Variants in CXADR observed in about 807,000 individuals in gnomAD.
The protein encoded by CXADR is coxsackievirus and adenovirus receptor.
Under a neutral mutation model 40.3 loss-of-function variants are expected in CXADR, and 20 were observed. The ratio of observed to expected loss-of-function variants is 0.50; its 90% CI spans 0.35 to 0.72. The LOEUF (loss-of-function observed/expected upper bound fraction) is 0.72. CXADR is among the 30% of genes least tolerant of loss of function. The probability of loss-of-function intolerance (pLI) is 0.01; values close to 1 mark genes in which losing one functional copy is unlikely to be tolerated. For missense variants in CXADR, 332 were observed against 449.1 expected, an observed-to-expected ratio of 0.74 and a Z score of 2.36; for synonymous variants, 150 against 161.3, an observed-to-expected ratio of 0.93 and a Z score of 0.53.
intron 1 of CXADR, among the ~76,000 whole-genome samples, chr21:17,540,080 C>T (rs1281976904): frequency 6.6e-6 from 1 of 152,202 alleles, no homozygotes; most frequent in Non-Finnish European, 1.5e-5. Flanking sequence ...TGAGGGCCCT[C>T]TTCCTGGCTG....
chr21:17,603,613 A>G, the CXADR span, among the ~76,000 whole-genome samples: 2 of 151,400 alleles, frequency 1.3e-5, no homozygotes, highest in African/African-American at 4.9e-5. Flanking sequence ...CAATCAATAA[A>G]GAGGCCAGGT....
intron 1 of CXADR, among the ~76,000 whole-genome samples, chr21:17,538,521 A>G (rs1228797711): frequency 6.6e-6 from 1 of 152,124 alleles, no homozygotes; most frequent in Non-Finnish European, 1.5e-5. Context: ...AAAAGGAGTT[A>G]TAGGCTGGAT....
chr21:17,543,084 AC>A, intron 1 of CXADR: 1 of 345,930 alleles, frequency 2.9e-6, no homozygotes, highest in Non-Finnish European at 5.7e-6. Flanking sequence ...AAAACAAAAA[AC>A]AAAAAAATCT....
the CXADR span, among the ~76,000 whole-genome samples, chr21:17,630,650 C>CTT: frequency 0.38 from 44,520 of 117,050 alleles, 7,987 homozygotes; most frequent in South Asian, 0.4. Context: ...CTTCCTTCTT[C>CTT]TTTTTTTTTT....
chr21:17,621,630 T>C, the CXADR span, among the ~76,000 whole-genome samples: 2 of 152,258 alleles, frequency 1.3e-5, no homozygotes, highest in Admixed American at 6.5e-5. Context: ...CAGGATTAGG[T>C]GCCTTTATAA....
intron 1 of CXADR, chr21:17,519,054 T>C (rs1374950827): frequency 8.6e-7 from 1 of 1,169,026 alleles, no homozygotes; most frequent in East Asian, 2.4e-5. Context: ...AAGAGCAAGA[T>C]GGCTGCCCGA....
downstream of CXADR, among the ~76,000 whole-genome samples, chr21:17,595,137 T>G (rs796928054): frequency 5.3e-5 from 8 of 152,192 alleles, no homozygotes; most frequent in African/African-American, 1.9e-4. Context: ...CAGTTTAGTA[T>G]TTGGGAATAA....
At chr21:17,587,115 C>T (rs2061402814) in intron 7 of CXADR, among the ~76,000 whole-genome samples, 1 of 152,220 alleles carries the variant, frequency 6.6e-6, no homozygotes, top group African/African-American at 2.4e-5. Context: ...ATATGTGCCA[C>T]ATTTTCTTAA....
At chr21:17,609,216 G>A in the CXADR span, 1 of 1,481,640 alleles carries the variant, frequency 6.7e-7, no homozygotes, top group African/African-American at 1.4e-5. Flanking sequence ...ATGAAGCTCT[G>A]TAAGATATAC....
intron 1 of CXADR, among the ~76,000 whole-genome samples, chr21:17,525,231 T>C (rs1325647423): frequency 6.6e-6 from 1 of 152,260 alleles, no homozygotes; most frequent in African/African-American, 2.4e-5. Context: ...CTTTCAAAGA[T>C]ATTTCTTACA....
At chr21:17,554,270 A>ATGAGTTCTG (rs2061006526) in intron 3 of CXADR, among the ~76,000 whole-genome samples, 1 of 118,014 alleles carries the variant, frequency 8.5e-6, no homozygotes, top group South Asian at 2.8e-4. Flanking sequence ...ATGTCCCAAA[A>ATGAGTTCTG]AGGAACCTGA....
At chr21:17,529,620 C>T (rs980629036) in intron 1 of CXADR, among the ~76,000 whole-genome samples, 4 of 152,174 alleles carry the variant, frequency 2.6e-5, no homozygotes, top group African/African-American at 9.7e-5. Context: ...TGCGCCCGGC[C>T]GCCTTTTTGA....
In CXADR at chr21:17,568,258, A is replaced by G. The variant is rs1387069159; in HGVS notation, c.*2566A>G. On this transcript the variant is annotated 3_prime_UTR_variant, in exon 7 of 7. Coordinates refer to ENST00000284878, the MANE Select transcript of CXADR (RefSeq NM_001338.5). Reference sequence around the variant, plus strand: ...ATTCTCCTGCCTCAGCCTCCCGAGCAGCTGGGACTACAGGCTCCCATCACC... The same window carrying G: ...ATTCTCCTGCCTCAGCCTCCCGAGCGGCTGGGACTACAGGCTCCCATCACC... 9.5e-6 allele frequency: 8 copies of G among 839,998 alleles called. No homozygotes were observed. The highest frequency in any genetic ancestry group is 1.1e-5 in the Non-Finnish European group (8 of 698,492). 52.0% of individuals were successfully genotyped at this position (839,998 alleles called of 1,614,324 possible). A position where few individuals can be genotyped will look rare whatever the true frequency, so the allele number is the denominator to read the frequency against.
At chr21:17,548,181 A>G (rs576932587) in intron 2 of CXADR, among the ~76,000 whole-genome samples, 1 of 152,248 alleles carries the variant, frequency 6.6e-6, no homozygotes, top group Non-Finnish European at 1.5e-5. Context: ...TTGTTCATGT[A>G]AAAGAAGGGG....
At chr21:17,618,093 T>C in the CXADR span, among the ~76,000 whole-genome samples, 1 of 152,378 alleles carries the variant, frequency 6.6e-6, no homozygotes, top group African/African-American at 2.4e-5. Context: ...GGCTCACACC[T>C]GTAATCCTAG....
chr21:17,513,320 C>A, intron 1 of CXADR, 148 bp downstream of exon 1: 1 of 803,164 alleles, frequency 1.2e-6, no homozygotes, highest in Non-Finnish European at 1.7e-6. Context: ...CAGAATTGCA[C>A]AGGGGCGCTT....
At chr21:17,611,742 C>T in the CXADR span, 1 of 152,362 alleles carries the variant, frequency 6.6e-6, no homozygotes, top group African/African-American at 2.4e-5. Context: ...TCCTCAAGTT[C>T]TACTTTGTTC....
chr21:17,610,076 A>G, the CXADR span, among the ~76,000 whole-genome samples: 8,098 of 152,324 alleles, frequency 0.053, 304 homozygotes, highest in Non-Finnish European at 0.083. Flanking sequence ...CCAGTCACAA[A>G]TGACCACATA....
the CXADR span, among the ~76,000 whole-genome samples, chr21:17,624,533 A>G: frequency 6.6e-6 from 1 of 151,996 alleles, no homozygotes; most frequent in Admixed American, 6.6e-5. Flanking sequence ...AATCTCTCTG[A>G]TTTTTCCCTT....
Sources: allele counts gnomAD v4.1 joint callset (sites outside exome capture counted in the v4.1 genomes callset), GRCh38; gene constraint gnomAD v4.1.1; transcripts MANE v1.5; gene names NCBI Gene and HGNC (gene_info 2026-07-23, HGNC 2026-07-21).